The following CDH13 variants were observed in gnomAD, a reference collection of about 807,000 sequenced individuals.
CDH13 encodes cadherin 13, also known as cadherin-13.
In CDH13, 24 loss-of-function variants were observed where a neutral mutation model predicts 63.8. That is an observed-to-expected ratio of 0.38 (90% CI 0.27 to 0.53). The LOEUF is 0.53. CDH13 is among the 20% of genes least tolerant of loss of function. The pLI, the probability that CDH13 is intolerant of heterozygous loss-of-function variation, is 0.85. For synonymous variants in CDH13, 503 were observed against 355.3 expected (o/e 1.42, Z -4.67); for missense variants, 1,049 against 903.1 (o/e 1.16, Z -2.07).
intron 4 of CDH13, among the ~76,000 whole-genome samples, chr16:83,156,768 C>G (rs55710383): frequency 0.17 from 25,966 of 152,074 alleles, 2,284 homozygotes; most frequent in South Asian, 0.23. Flanking sequence ...TCCTATGCTC[C>G]TTTATTCCGT....
At chr16:83,397,123 C>A (rs1038791973) in intron 6 of CDH13, among the ~76,000 whole-genome samples, 1 of 152,106 alleles carries the variant, frequency 6.6e-6, no homozygotes, top group Non-Finnish European at 1.5e-5. Context: ...CCCAGCATGT[C>A]CCTCCTCGGC....
At chr16:83,367,395 G>C (rs770829481) in intron 6 of CDH13, among the ~76,000 whole-genome samples, 3 of 152,094 alleles carry the variant, frequency 2.0e-5, no homozygotes, top group Non-Finnish European at 4.4e-5. Context: ...CCATTTAAAA[G>C]TCCATGGACA....
chr16:82,649,328 T>C (rs1401360871), intron 1 of CDH13, among the ~76,000 whole-genome samples: 1 of 152,050 alleles, frequency 6.6e-6, no homozygotes, highest in Non-Finnish European at 1.5e-5. Flanking sequence ...GATGGATGGA[T>C]GGATGATGGA....
intron 1 of CDH13, among the ~76,000 whole-genome samples, chr16:82,697,946 G>A (rs529366571): frequency 6.6e-6 from 1 of 152,278 alleles, no homozygotes; most frequent in Admixed American, 6.5e-5. Flanking sequence ...AAGACTGGAG[G>A]ATGTAATCTA....
intron 7 of CDH13, among the ~76,000 whole-genome samples, chr16:83,596,502 T>C (rs1447509769): frequency 6.6e-6 from 1 of 152,116 alleles, no homozygotes; most frequent in Non-Finnish European, 1.5e-5. Flanking sequence ...TGCATCAAAA[T>C]TTCCTCCTGG....
Position 83,525,796 on chromosome 16 carries a change from C to T in CDH13, c.960+39141C>T, listed in dbSNP as rs1353628525. On this transcript the variant is annotated intron_variant, in intron 7 of 13. Transcript: ENST00000567109. ...CTTAAAATGAAAGAATTTTTTCTGG[C>T]TCAGAGAAAATGTGAAGACTGAAGA... 4.6e-5 allele frequency among the ~76,000 whole-genome samples: 7 copies of T among 152,230 alleles called. No individual in the cohort carries two copies. The South Asian group carries it at 1.5e-3, about 32-fold the overall frequency.
intron 8 of CDH13, among the ~76,000 whole-genome samples, chr16:83,651,124 T>C (rs1381402258): frequency 1.3e-5 from 2 of 151,934 alleles, no homozygotes; most frequent in Admixed American, 1.3e-4. Context: ...ATAAAAATAG[T>C]TGATCAGAAC....
At chr16:83,015,677 G>A (rs866503519) in intron 2 of CDH13, among the ~76,000 whole-genome samples, 171 of 37,582 alleles carry the variant, frequency 4.6e-3, no homozygotes, top group East Asian at 7.6e-3. Flanking sequence ...GTGTGTGTAT[G>A]TATATATATA....
At chr16:83,416,542 T>C (rs916502686) in intron 6 of CDH13, among the ~76,000 whole-genome samples, 1 of 152,174 alleles carries the variant, frequency 6.6e-6, no homozygotes, top group South Asian at 2.1e-4. Flanking sequence ...CTGTTTTCTG[T>C]AGGTAGAAAC....
At chr16:82,938,310 G>A (rs952497322) in intron 2 of CDH13, among the ~76,000 whole-genome samples, 7 of 152,192 alleles carry the variant, frequency 4.6e-5, no homozygotes, top group South Asian at 2.1e-4. Context: ...CCTACAGAGC[G>A]CTAAGCTTCC....
At chr16:83,500,781 T>C (rs1339822964) in intron 7 of CDH13, among the ~76,000 whole-genome samples, 2 of 151,496 alleles carry the variant, frequency 1.3e-5, no homozygotes, top group East Asian at 2.0e-4. Flanking sequence ...GGTTTCACCA[T>C]GTTGGCCAGG....
At chr16:83,242,882 C>G (rs898438726) in intron 5 of CDH13, among the ~76,000 whole-genome samples, 1 of 152,192 alleles carries the variant, frequency 6.6e-6, no homozygotes, top group African/African-American at 2.4e-5. Flanking sequence ...TCTTCTCTGG[C>G]TCAGAGGGGA....
chr16:83,511,317 C>A (rs2074559016), intron 7 of CDH13, among the ~76,000 whole-genome samples: 1 of 152,098 alleles, frequency 6.6e-6, no homozygotes, highest in South Asian at 2.1e-4. Flanking sequence ...CAAAATTTAG[C>A]CAGGTGTAGT....
intron 8 of CDH13, among the ~76,000 whole-genome samples, chr16:83,622,707 T>G (rs554829879): frequency 1.3e-5 from 2 of 152,232 alleles, no homozygotes; most frequent in Non-Finnish European, 2.9e-5. Context: ...TTTTAAATCT[T>G]TTTACATTTA....
intron 5 of CDH13, among the ~76,000 whole-genome samples, chr16:83,298,047 C>CAAAAAAAAAAAAAAAA (rs71382871): frequency 1.0e-5 from 1 of 99,772 alleles, no homozygotes; most frequent in Non-Finnish European, 2.1e-5. Context: ...CTTGTTTCTA[C>CAAAAAAAAAAAAAAAA]AAAAAAAAAA....
chr16:82,877,389 C>G (rs2040541338), intron 2 of CDH13, among the ~76,000 whole-genome samples: 1 of 152,152 alleles, frequency 6.6e-6, no homozygotes, highest in South Asian at 2.1e-4. Context: ...GTTTCGTGGA[C>G]AAAGGTTTCT....
At position 83,572,175 on chromosome 16, in the gene CDH13, G is replaced by GGGGTGTGTGT. The variant is rs1555575571; in HGVS notation, c.961-30278_961-30277insGGTGTGTGTG. On this transcript the variant is annotated intron_variant, in intron 7 of 13. Coordinates refer to ENST00000567109, the MANE Select transcript of CDH13 (RefSeq NM_001257.5). ...GGTATTTTTTATTCCACTTTCCTGT[G>GGGGTGTGTGT]GTGTGTGTGTGTGTGTGTGTGTGTG... is the stretch of plus-strand genomic sequence containing the variant. Among the ~76,000 whole-genome samples the GGGGTGTGTGT allele has an allele frequency of 1.8e-4, 26 of 145,694 alleles. No individual in the cohort carries two copies. The East Asian group carries it at 4.3e-3, about 24-fold the overall frequency.
At chr16:83,009,617 C>G (rs1913911504) in intron 2 of CDH13, among the ~76,000 whole-genome samples, 1 of 152,098 alleles carries the variant, frequency 6.6e-6, no homozygotes, top group East Asian at 1.9e-4. Context: ...ACTCCAAAGC[C>G]AATATTCTCT....
intron 8 of CDH13, among the ~76,000 whole-genome samples, chr16:83,608,482 G>T (rs904858857): frequency 2.6e-5 from 4 of 151,812 alleles, no homozygotes; most frequent in African/African-American, 9.7e-5. Context: ...TGGGGTATTA[G>T]CATTTTTTGT....
Sources: gnomAD v4.1 joint callset for allele counts (sites outside exome capture counted in the v4.1 genomes callset) on GRCh38, gnomAD v4.1.1 for gene constraint, MANE v1.5 for transcripts, NCBI Gene and HGNC (gene_info 2026-07-23, HGNC 2026-07-21) for gene names.